The following C19orf47 variants were observed in gnomAD, a reference collection of about 807,000 sequenced individuals.
C19orf47 encodes chromosome 19 open reading frame 47.
Under a neutral mutation model 32.3 loss-of-function variants are expected in C19orf47, and 18 were observed. The observed-to-expected ratio is 0.56, with a 90% CI of 0.39 to 0.83. The LOEUF (loss-of-function observed/expected upper bound fraction) is 0.83. C19orf47 is among the 40% of genes least tolerant of loss of function. The probability of loss-of-function intolerance (pLI) is 0.00; values close to 1 mark genes in which losing one functional copy is unlikely to be tolerated. For missense variants in C19orf47, 484 were observed against 531.6 expected (o/e 0.91, Z 0.88); for synonymous variants, 202 against 211.1 (o/e 0.96, Z 0.37).
chr19:40,306,151 CAAAAA>C, the C19orf47 span, among the ~76,000 whole-genome samples: 9 of 53,876 alleles, frequency 1.7e-4, no homozygotes, highest in South Asian at 7.6e-4. Context: ...AACTCTGTCT[CAAAAA>C]AAAAAAAAAA....
At chr19:40,307,250 C>T in the C19orf47 span, among the ~76,000 whole-genome samples, 2 of 151,782 alleles carry the variant, frequency 1.3e-5, no homozygotes, top group Non-Finnish European at 2.9e-5. Context: ...CGCATGCCAC[C>T]ATGCCCAGCT....
In C19orf47 at chr19:40,333,922, C is replaced by G; in HGVS notation, c.230G>C (p.Cys77Ser). 1.3e-6 allele frequency: 2 copies of G among 1,566,072 alleles called. No individual in the cohort carries two copies. Among genetic ancestry groups the G allele is most frequent in the Non-Finnish European group, 8.7e-7 (1 of 1,154,428 alleles). Residue 77 changes from cysteine (C) to serine (S), a missense_variant, in exon 5 of 9, where the codon TGC becomes TCC. Physicochemically the swap from Cys to Ser is moderately radical, Grantham distance 112. Around this residue, in one of 3 missense-constraint regions of C19orf47, gnomAD observed 376 missense variants for 370.2 expected, o/e 1.02. Transcript: ENST00000683109. ...GGGTACTGACTCAGTGGCAGCTTTGCACATGTCCTGTGAAAAAAGAACAGG... is the reference window on the plus strand; with the variant it reads ...GGGTACTGACTCAGTGGCAGCTTTGGACATGTCCTGTGAAAAAAGAACAGG... ...HAKVVHRQDM[C>S]KAATESVPCS...
chr19:40,306,722 GT>G, the C19orf47 span, among the ~76,000 whole-genome samples: 1 of 151,394 alleles, frequency 6.6e-6, no homozygotes, highest in Admixed American at 6.6e-5. Flanking sequence ...TTTTCTAAAA[GT>G]TTACAATTAT....
upstream of C19orf47, chr19:40,348,453 G>A: frequency 6.7e-7 from 1 of 1,501,902 alleles, no homozygotes; most frequent in South Asian, 1.3e-5. Flanking sequence ...AAGCTGAACT[G>A]ACTCGTCCGC....
At chr19:40,303,547 T>C in the C19orf47 span, among the ~76,000 whole-genome samples, 1 of 139,484 alleles carries the variant, frequency 7.2e-6, no homozygotes, top group African/African-American at 2.7e-5. Flanking sequence ...CAGTGGCTCA[T>C]GCCTGTAATC....
At chr19:40,310,521 C>T in the C19orf47 span, among the ~76,000 whole-genome samples, 12 of 152,286 alleles carry the variant, frequency 7.9e-5, no homozygotes, top group East Asian at 3.9e-4. Context: ...TGAGGTGATC[C>T]GCCCACCTCC....
intron 1 of C19orf47, 64 bp downstream of exon 1, chr19:40,348,260 A>G: frequency 2.6e-6 from 3 of 1,142,382 alleles, no homozygotes; most frequent in Non-Finnish European, 3.4e-6. Flanking sequence ...GAGTCCAGAC[A>G]CCCGGACGCC....
the C19orf47 span, among the ~76,000 whole-genome samples, chr19:40,298,448 C>T: frequency 3.3e-5 from 5 of 152,110 alleles, no homozygotes. Flanking sequence ...AATACTAAAG[C>T]ATTCATTGCT....
the C19orf47 span, among the ~76,000 whole-genome samples, chr19:40,293,892 G>A: frequency 5.3e-5 from 8 of 151,952 alleles, no homozygotes; most frequent in Non-Finnish European, 7.4e-5. Context: ...AGGCCAAGGC[G>A]GGCAGATCAC....
In C19orf47 at chr19:40,348,315, G is replaced by C; in HGVS notation, c.-34+9C>G. ...GGCCCAGTCCCACCACCCCCGGCCC[G>C]CGCCTCACCTGGCCCACCGGGCCCG... On this transcript the variant is annotated intron_variant, in intron 1 of 8. Transcript: ENST00000683109. 6 of 1,290,640 alleles carry C rather than the reference G, an allele frequency of 4.6e-6. No individual in the cohort carries two copies. Among genetic ancestry groups the C allele is most frequent in the Non-Finnish European group, 5.9e-6 (6 of 1,017,414 alleles). The allele number at this position is 1,290,640 out of a possible 1,614,324, so 79.9% of individuals were successfully genotyped here. A position where few individuals can be genotyped will look rare whatever the true frequency, so the allele number is the denominator to read the frequency against.
chr19:40,317,446 A>C (rs1212975178), downstream of C19orf47, among the ~76,000 whole-genome samples: 1 of 152,050 alleles, frequency 6.6e-6, no homozygotes, highest in Non-Finnish European at 1.5e-5. Flanking sequence ...TAAAAGTAAA[A>C]AGTGCTTAAT....
downstream of C19orf47, among the ~76,000 whole-genome samples, chr19:40,318,342 C>G (rs949328040): frequency 6.6e-6 from 1 of 152,186 alleles, no homozygotes; most frequent in African/African-American, 2.4e-5. Context: ...CTGGGTGAGG[C>G]CTTCAGCAGT....
the C19orf47 span, among the ~76,000 whole-genome samples, chr19:40,305,694 T>C: frequency 1.3e-3 from 201 of 152,200 alleles, 1 homozygote; most frequent in Non-Finnish European, 2.4e-3. Flanking sequence ...AATAAATAAA[T>C]GTAACATGTG....
rs1031535128 is a variant in C19orf47 at position 40,321,424 on chromosome 19, G to C, written c.*458C>G. Reference sequence around the variant, plus strand: ...GGGAGAGAGAGAAGTCACAGCAGTGGGGGGAGGCGCAGAGGAGTGAGGGAG... The same window carrying C: ...GGGAGAGAGAGAAGTCACAGCAGTGCGGGGAGGCGCAGAGGAGTGAGGGAG... On this transcript the variant is annotated 3_prime_UTR_variant, in exon 9 of 9. Transcript: ENST00000683109. 3 of 998,362 alleles carry C rather than the reference G, an allele frequency of 3.0e-6. No individual in the cohort carries two copies. In the South Asian group the frequency reaches 1.4e-4, roughly 45 times the overall value. The allele number at this position is 998,362 out of a possible 1,614,324, so 61.8% of individuals were successfully genotyped here.
chr19:40,342,103 A>T, intron 1 of C19orf47: 1 of 953,262 alleles, frequency 1.0e-6, no homozygotes, highest in Non-Finnish European at 1.2e-6. Flanking sequence ...CAGGGACAGC[A>T]AATGTCCACA....
chr19:40,324,796 T>A (rs1291378031), intron 7 of C19orf47: 1 of 152,054 alleles, frequency 6.6e-6, no homozygotes, highest in Non-Finnish European at 1.5e-5. Context: ...CGCATGAGCC[T>A]AAGAGTTAGA....
intron 1 of C19orf47, among the ~76,000 whole-genome samples, chr19:40,345,848 CAA>C (rs35848570): frequency 5.3e-5 from 4 of 75,222 alleles, no homozygotes; most frequent in Admixed American, 1.6e-4. Flanking sequence ...GACTCAGTCT[CAA>C]AAAAAAAAAA....
the C19orf47 span, among the ~76,000 whole-genome samples, chr19:40,293,508 C>G: frequency 6.6e-6 from 1 of 151,566 alleles, no homozygotes; most frequent in East Asian, 2.0e-4. Context: ...CTCTGTTGCC[C>G]AGGCTGGAGT....
the C19orf47 span, among the ~76,000 whole-genome samples, chr19:40,307,495 C>T: frequency 1.3e-5 from 2 of 152,050 alleles, no homozygotes; most frequent in African/African-American, 4.8e-5. Flanking sequence ...GCCTCCTGGG[C>T]TCAAGGGATC....
Sources: gnomAD v4.1 joint callset for allele counts (sites outside exome capture counted in the v4.1 genomes callset) on GRCh38, gnomAD v4.1.1 for gene constraint, gnomAD v4.1.1 regional missense constraint, MANE v1.5 for transcripts, NCBI Gene and HGNC (gene_info 2026-07-23, HGNC 2026-07-21) for gene names.